The following LRRC40 variants were observed in gnomAD, a reference collection of about 807,000 sequenced individuals.
LRRC40 encodes leucine-rich repeat-containing protein 40.
A neutral mutation model predicts 72.8 loss-of-function variants in LRRC40; 76 were observed. That is an observed-to-expected ratio of 1.04 (90% CI 0.87 to 1.26). The LOEUF (loss-of-function observed/expected upper bound fraction) is 1.26. LRRC40 is among the 50% of genes most tolerant of loss of function. LRRC40 has a pLI of 0.00. For synonymous variants in LRRC40, 243 were observed against 254.2 expected, an observed-to-expected ratio of 0.96 and a Z score of 0.42; for missense variants, 684 against 698.9, an observed-to-expected ratio of 0.98 and a Z score of 0.24.
rs1162109410 is a variant in LRRC40 at position 70,151,032 on chromosome 1, G to A, written c.1517+96C>T. 76 of 630,696 alleles carry A rather than the reference G, an allele frequency of 1.2e-4. No individual in the cohort carries two copies. The East Asian group carries it at 2.2e-3, about 18-fold the overall frequency. 39.1% of individuals were successfully genotyped at this position (630,696 alleles called of 1,614,324 possible). On this transcript the variant is annotated intron_variant, in intron 13 of 14. Transcript: ENST00000370952. The stretch of plus-strand genomic sequence containing the variant: ...AAAATCTGGATATTGAAATAAAGTA[G>A]AAGGGGCCTTTTTGTTTTTTTGGCT...
At chr1:70,187,164 G>A in intron 3 of LRRC40, 101 bp downstream of exon 3, 1 of 621,396 alleles carries the variant, frequency 1.6e-6, no homozygotes, top group South Asian at 2.0e-5. Context: ...ACTACTTTCT[G>A]AGATAATTCA....
intron 11 of LRRC40, among the ~76,000 whole-genome samples, chr1:70,153,255 G>A (rs111953179): frequency 1.9e-4 from 29 of 152,060 alleles, no homozygotes; most frequent in East Asian, 3.9e-4. Context: ...CCAGCTACTC[G>A]GGAGGCTGAA....
intron 11 of LRRC40, among the ~76,000 whole-genome samples, chr1:70,153,972 C>CAAAA (rs1042976831): frequency 3.4e-5 from 2 of 58,156 alleles, no homozygotes; most frequent in Non-Finnish European, 6.8e-5. Flanking sequence ...GATCCTGTCT[C>CAAAA]AAAAAAAAAA....
intron 4 of LRRC40, 72 bp from the exon 5 acceptor site, chr1:70,181,281 T>A: frequency 1.0e-6 from 1 of 959,190 alleles, no homozygotes; most frequent in Non-Finnish European, 1.5e-6. Context: ...CTAAAAAGGA[T>A]TTCAAATTTT....
At chr1:70,154,236 T>G (rs1243487741) in intron 11 of LRRC40, among the ~76,000 whole-genome samples, 1 of 152,192 alleles carries the variant, frequency 6.6e-6, no homozygotes, top group Non-Finnish European at 1.5e-5. Context: ...AGCATGGCTT[T>G]TTTAATGCAA....
At chr1:70,159,681 T>G (rs1200722847) in intron 9 of LRRC40, among the ~76,000 whole-genome samples, 1 of 152,312 alleles carries the variant, frequency 6.6e-6, no homozygotes, top group Non-Finnish European at 1.5e-5. Context: ...AAAGGAAATT[T>G]AGCAGTAAGA....
At chr1:70,188,399 T>C (rs572489470) in intron 2 of LRRC40, among the ~76,000 whole-genome samples, 2 of 152,302 alleles carry the variant, frequency 1.3e-5, no homozygotes, top group African/African-American at 4.8e-5. Flanking sequence ...GTAATACATA[T>C]ACATATAGAC....
At chr1:70,153,473 GAAAAT>G (rs992856660) in intron 11 of LRRC40, among the ~76,000 whole-genome samples, 1 of 151,854 alleles carries the variant, frequency 6.6e-6, no homozygotes, top group Non-Finnish European at 1.5e-5. Flanking sequence ...TGTAGTAAAA[GAAAAT>G]GAGTTTCAAT....
chr1:70,154,156 G>A (rs571943283), intron 11 of LRRC40, among the ~76,000 whole-genome samples: 36 of 151,856 alleles, frequency 2.4e-4, no homozygotes, highest in Non-Finnish European at 4.7e-4. Context: ...ATAATCTTTG[G>A]TGAAAAGCAT....
At chr1:70,184,680 A>C in intron 4 of LRRC40, 105 bp downstream of exon 4, 1 of 1,046,194 alleles carries the variant, frequency 9.6e-7, no homozygotes, top group African/African-American at 1.6e-5. Flanking sequence ...TCACAAAATC[A>C]GCTGTCCATG....
At chr1:70,201,567 C>T (rs528026590) in intron 1 of LRRC40, among the ~76,000 whole-genome samples, 2 of 152,148 alleles carry the variant, frequency 1.3e-5, no homozygotes, top group African/African-American at 4.8e-5. Flanking sequence ...AAAAAACGTG[C>T]AAAAGTTCTT....
intron 9 of LRRC40, among the ~76,000 whole-genome samples, chr1:70,172,887 CTACT>C (rs1553214022): frequency 6.6e-6 from 1 of 151,586 alleles, no homozygotes; most frequent in Non-Finnish European, 1.5e-5. Context: ...ACTCGTACAA[CTACT>C]TTTTTTTTTC....
intron 1 of LRRC40, among the ~76,000 whole-genome samples, chr1:70,190,677 T>TTAAAAAAA (rs1424067583): frequency 1.8e-5 from 1 of 54,360 alleles, no homozygotes; most frequent in Admixed American, 2.0e-4. Context: ...ACCCTGTCTC[T>TTAAAAAAA]AAAAAAAAAA....
chr1:70,154,251 T>A (rs1043171342), intron 11 of LRRC40, among the ~76,000 whole-genome samples: 7 of 152,180 alleles, frequency 4.6e-5, no homozygotes, highest in African/African-American at 1.7e-4. Flanking sequence ...ATGCAACATG[T>A]CCATGTAATA....
chr1:70,150,438 G>C (rs779122932), intron 13 of LRRC40, among the ~76,000 whole-genome samples: 4 of 152,134 alleles, frequency 2.6e-5, no homozygotes, highest in Non-Finnish European at 2.9e-5. Flanking sequence ...TAGGGTTCTT[G>C]TAAGCCTGAG....
chr1:70,166,039 A>G (rs914735714), intron 9 of LRRC40, among the ~76,000 whole-genome samples: 3 of 152,216 alleles, frequency 2.0e-5, no homozygotes, highest in Non-Finnish European at 4.4e-5. Context: ...TTTCAGTTCT[A>G]TTTGAAATTC....
intron 4 of LRRC40, among the ~76,000 whole-genome samples, chr1:70,181,523 T>G (rs1213114560): frequency 6.6e-6 from 1 of 152,048 alleles, no homozygotes; most frequent in East Asian, 1.9e-4. Context: ...TGCATCATAT[T>G]TTCAATGCAA....
chr1:70,192,122 G>C (rs1242040335), intron 1 of LRRC40, among the ~76,000 whole-genome samples: 1 of 152,032 alleles, frequency 6.6e-6, no homozygotes, highest in Non-Finnish European at 1.5e-5. Context: ...TTTTCCATTT[G>C]TTTGTGTCAT....
intron 2 of LRRC40, among the ~76,000 whole-genome samples, chr1:70,188,588 T>A (rs1668420928): frequency 6.6e-6 from 1 of 151,594 alleles, no homozygotes; most frequent in Non-Finnish European, 1.5e-5. Flanking sequence ...CAAAAAAAAA[T>A]AGCCGGGTGT....
Sources: allele counts gnomAD v4.1 joint callset (sites outside exome capture counted in the v4.1 genomes callset), GRCh38; gene constraint gnomAD v4.1.1; transcripts MANE v1.5; gene names NCBI Gene and HGNC (gene_info 2026-07-23, HGNC 2026-07-21).